Variants in IWS1 observed in about 807,000 individuals in gnomAD.
IWS1 encodes protein IWS1 homolog.
In IWS1, 27 loss-of-function variants were observed where a neutral mutation model predicts 86.7. The ratio of observed to expected loss-of-function variants is 0.31; its 90% confidence interval spans 0.23 to 0.43. IWS1 has a LOEUF of 0.43. Among genes scored for constraint, IWS1 ranks in the 20% least tolerant of loss-of-function variants. The probability of loss-of-function intolerance (pLI) is 1.00; values close to 1 mark genes in which losing one functional copy is unlikely to be tolerated. For synonymous variants in IWS1, 313 were observed against 335.1 expected, an observed-to-expected ratio of 0.93 and a Z score of 0.72; for missense variants, 827 against 1,000.8, an observed-to-expected ratio of 0.83 and a Z score of 2.34.
chr2:127,483,598 G>GGGGGT (rs1689763605), intron 13 of IWS1, among the ~76,000 whole-genome samples: 3 of 21,818 alleles, frequency 1.4e-4, no homozygotes, highest in African/African-American at 1.1e-4. Flanking sequence ...GGGTGGGGGG[G>GGGGGT]TTGGGCTGTG....
At chr2:127,520,455 C>T (rs576139188) in intron 2 of IWS1, among the ~76,000 whole-genome samples, 2 of 152,340 alleles carry the variant, frequency 1.3e-5, no homozygotes, top group African/African-American at 4.8e-5. Flanking sequence ...GCAAGGGCCA[C>T]CACGCCCGGC....
intron 5 of IWS1, among the ~76,000 whole-genome samples, chr2:127,502,219 T>C (rs1690859749): frequency 6.6e-6 from 1 of 152,202 alleles, no homozygotes; most frequent in Admixed American, 6.5e-5. Flanking sequence ...TGCTGCTCTC[T>C]GAAGTCTCAA....
chr2:127,513,551 TAAAAACAGAAAA>T (rs1164001017), intron 2 of IWS1, among the ~76,000 whole-genome samples: 1 of 151,730 alleles, frequency 6.6e-6, no homozygotes, highest in Non-Finnish European at 1.5e-5. Context: ...AATATAAAGA[TAAAAACAGAAAA>T]AAAAACAGCT....
At position 127,505,627 on chromosome 2, in the gene IWS1, G is replaced by A. The variant is rs763109495; in HGVS notation, c.276C>T (p.Asp92=). 3.7e-6 allele frequency: 6 copies of A among 1,613,924 alleles called. No homozygotes were observed. In the Admixed American group the frequency reaches 8.3e-5, roughly 22 times the overall value. Reference sequence around the variant, plus strand: ...CACGTTCCTCAGATTCAGAGTCGCTGTCCTTTTGCCTGTGAAGCTCCTCAC... The same window carrying A: ...CACGTTCCTCAGATTCAGAGTCGCTATCCTTTTGCCTGTGAAGCTCCTCAC... ...SESEELHRQK[D]SDSESEERAE... is the part of the protein sequence containing the mutation. The change falls in exon 3 of 14, where the codon GAC becomes GAT. Residue 92 remains aspartate (D), a synonymous_variant. Coordinates refer to ENST00000295321, the MANE Select transcript of IWS1 (RefSeq NM_017969.3). This position sits in a 1 kb window ranked among gnomAD's most constrained non-coding sequence, Gnocchi z 5.0.
intron 13 of IWS1, among the ~76,000 whole-genome samples, chr2:127,483,582 G>GGGGGGTGGGGTGGGGGGGT (rs1689758558): frequency 2.2e-5 from 1 of 45,738 alleles, no homozygotes; most frequent in Non-Finnish European, 4.4e-5. Context: ...GGGGCGGGGG[G>GGGGGGTGGGGTGGGGGGGT]TGGTGGGGTG....
chr2:127,518,909 A>T (rs1301450428), intron 2 of IWS1, among the ~76,000 whole-genome samples: 1 of 152,128 alleles, frequency 6.6e-6, no homozygotes, highest in Non-Finnish European at 1.5e-5. Context: ...GTTGGTGCAA[A>T]AAAACCCATG....
At chr2:127,498,314 G>C (rs970128647) in intron 5 of IWS1, 77 bp from the exon 6 acceptor site, 47 of 1,405,608 alleles carry the variant, frequency 3.3e-5, no homozygotes, top group Admixed American at 1.4e-4. Context: ...CATTTTTAAA[G>C]TAATTCATTC....
At position 127,495,896 on chromosome 2, in the gene IWS1, A is replaced by C. The variant is rs1398750640; in HGVS notation, c.1716+102T>G. 6 of 1,043,800 alleles carry C rather than the reference A, an allele frequency of 5.7e-6. No homozygotes were observed. The Admixed American group carries it at 1.4e-4, about 25-fold the overall frequency. 64.7% of individuals were successfully genotyped at this position (1,043,800 alleles called of 1,614,324 possible). On this transcript the variant is annotated intron_variant, in intron 7 of 13. Coordinates refer to ENST00000295321, the MANE Select transcript of IWS1 (RefSeq NM_017969.3). ...CAGTAAATGCTTTATTACAAAAAGC[A>C]AAGCATCTTAATTGTAGTTTAAGGG...
At chr2:127,510,532 A>G (rs1691391586) in intron 2 of IWS1, among the ~76,000 whole-genome samples, 1 of 152,126 alleles carries the variant, frequency 6.6e-6, no homozygotes, top group Admixed American at 6.6e-5. Flanking sequence ...TCACTCTGTC[A>G]CCCAGGCTGA....
At chr2:127,508,861 T>A (rs764507375) in intron 2 of IWS1, among the ~76,000 whole-genome samples, 1 of 151,864 alleles carries the variant, frequency 6.6e-6, no homozygotes, top group Non-Finnish European at 1.5e-5. Flanking sequence ...GCACTGGGAG[T>A]CACTCCCAAA....
chr2:127,511,869 T>C (rs1489456505), intron 2 of IWS1, among the ~76,000 whole-genome samples: 1 of 152,212 alleles, frequency 6.6e-6, no homozygotes, highest in African/African-American at 2.4e-5. Flanking sequence ...AAGACAAATC[T>C]TCTAGTTGTT....
At chr2:127,501,328 G>C (rs1438917688) in intron 5 of IWS1, among the ~76,000 whole-genome samples, 3 of 152,148 alleles carry the variant, frequency 2.0e-5, no homozygotes, top group South Asian at 4.1e-4. Context: ...TTACTTTTCT[G>C]AACGTATTTT....
In IWS1 at chr2:127,497,171, G is replaced by C. The variant is rs562706924; in HGVS notation, c.1565+969C>G. Among the ~76,000 whole-genome samples the C allele has an allele frequency of 5.3e-5, 8 of 152,262 alleles. No individual in the cohort carries two copies. In the South Asian group the frequency reaches 1.7e-3, roughly 32 times the overall value. ...GCTATTAAAAGAACGGTTGATCCTA[G>C]ACTTTATTTCAATTCCTGTACTACC... On this transcript the variant is annotated intron_variant, in intron 6 of 13. Coordinates refer to ENST00000295321, the MANE Select transcript of IWS1 (RefSeq NM_017969.3).
intron 3 of IWS1, among the ~76,000 whole-genome samples, chr2:127,504,115 A>G (rs372317483): frequency 4.6e-4 from 70 of 152,360 alleles, no homozygotes; most frequent in African/African-American, 1.5e-3. Flanking sequence ...TCCAAAAAAG[A>G]TAAGTTTCAT....
Position 127,499,463 on chromosome 2 carries a change from G to A in IWS1, c.1468-1226C>T, listed in dbSNP as rs1191780633. On this transcript the variant is annotated intron_variant, in intron 5 of 13. Coordinates refer to ENST00000295321, the MANE Select transcript of IWS1 (RefSeq NM_017969.3). This position sits in a 1 kb window ranked among gnomAD's most constrained non-coding sequence, Gnocchi z 4.0. The stretch of plus-strand genomic sequence containing the variant: ...GTCTACCTTTTGTGTTATACTTAGA[G>A]GCTTTCTCAATGGTTCACCTAGTAC... Among the ~76,000 whole-genome samples, 1 of 152,068 alleles carries A rather than the reference G, an allele frequency of 6.6e-6. No homozygotes were observed. Among genetic ancestry groups the A allele is most frequent in the Non-Finnish European group, 1.5e-5 (1 of 68,018 alleles).
rs777681619 is a variant in IWS1, at chr2:127,486,519, T to C, written c.2328+34A>G. On this transcript the variant is annotated intron_variant, in intron 13 of 13. Coordinates refer to ENST00000295321, the MANE Select transcript of IWS1 (RefSeq NM_017969.3). The stretch of plus-strand genomic sequence containing the variant: ...AAAGAGTCAAACAGTAATCTGCAGG[T>C]GAGATCCACCTTGCCGATCCTCCGC... 2.9e-6 allele frequency: 4 copies of C among 1,370,036 alleles called. No individual in the cohort carries two copies. In the South Asian group the frequency reaches 3.5e-5, roughly 12 times the overall value. 84.9% of individuals were successfully genotyped at this position (1,370,036 alleles called of 1,614,324 possible).
At chr2:127,521,806 AG>A (rs1283636009) in intron 2 of IWS1, among the ~76,000 whole-genome samples, 1 of 152,238 alleles carries the variant, frequency 6.6e-6, no homozygotes, top group African/African-American at 2.4e-5. Context: ...TTTCAAAAAC[AG>A]CCACACTTAT....
At chr2:127,496,326 A>G (rs1459175416) in intron 6 of IWS1, among the ~76,000 whole-genome samples, 178 bp from the exon 7 acceptor site, 1 of 152,196 alleles carries the variant, frequency 6.6e-6, no homozygotes, top group Non-Finnish European at 1.5e-5. Context: ...GACGGACTGC[A>G]AATACGACGG....
chr2:127,498,343 A>G (rs1690620572), intron 5 of IWS1, 106 bp from the exon 6 acceptor site: 3 of 1,046,174 alleles, frequency 2.9e-6, no homozygotes, highest in Non-Finnish European at 4.1e-6. Context: ...CAAAAATTCA[A>G]TAGATATCAA....
Sources: gnomAD v4.1 joint callset for allele counts (sites outside exome capture counted in the v4.1 genomes callset) on GRCh38, gnomAD v4.1.1 for gene constraint, Gnocchi (gnomAD v3.1) non-coding constraint, MANE v1.5 for transcripts, NCBI Gene and HGNC (gene_info 2026-07-23, HGNC 2026-07-21) for gene names.